WDR7: variants seen among roughly 807,000 people sequenced by gnomAD.
WDR7 encodes WD repeat domain 7, also known as WD repeat-containing protein 7.
WDR7 carries 46 observed loss-of-function variants against 169.4 expected under a neutral mutation model. The observed-to-expected ratio is 0.27, with a 90% CI of 0.21 to 0.35. WDR7 has a LOEUF of 0.35. WDR7 is among the 10% of genes least tolerant of loss of function. The probability of loss-of-function intolerance (pLI) is 1.00; values close to 1 mark genes in which losing one functional copy is unlikely to be tolerated. For missense variants in WDR7, 1,534 were observed against 1,859.3 expected, an observed-to-expected ratio of 0.83 and a Z score of 3.22; for synonymous variants, 612 against 666.8, an observed-to-expected ratio of 0.92 and a Z score of 1.27.
intron 26 of WDR7, among the ~76,000 whole-genome samples, chr18:56,978,114 G>A (rs1282812843): frequency 3.9e-5 from 6 of 152,106 alleles, no homozygotes; most frequent in Non-Finnish European, 8.8e-5. Flanking sequence ...CATTGGTAGT[G>A]GTATGAATGC....
At chr18:57,017,297 C>T (rs1356665763) in intron 26 of WDR7, among the ~76,000 whole-genome samples, 1 of 152,194 alleles carries the variant, frequency 6.6e-6, no homozygotes, top group Non-Finnish European at 1.5e-5. Flanking sequence ...ACTGCTTGAG[C>T]GGTGCTTGCT....
At chr18:57,035,765 A>G in the WDR7 span, 1 of 152,324 alleles carries the variant, frequency 6.6e-6, no homozygotes, top group Non-Finnish European at 1.5e-5. Context: ...AGTGGCGGCC[A>G]GAGAGACCAG....
chr18:56,821,242 A>G (rs1337203579), intron 20 of WDR7, among the ~76,000 whole-genome samples: 1 of 152,218 alleles, frequency 6.6e-6, no homozygotes, highest in Non-Finnish European at 1.5e-5. Context: ...AAGAAGAAAA[A>G]ATAGAGAAGG....
At chr18:56,858,064 C>G (rs1004853587) in intron 20 of WDR7, among the ~76,000 whole-genome samples, 2 of 152,172 alleles carry the variant, frequency 1.3e-5, no homozygotes, top group Admixed American at 6.5e-5. Flanking sequence ...GATCTCATCT[C>G]TCTGCTGAGC....
chr18:56,789,804 T>A (rs1231896457), intron 19 of WDR7, among the ~76,000 whole-genome samples: 2 of 152,226 alleles, frequency 1.3e-5, no homozygotes, highest in Non-Finnish European at 2.9e-5. Context: ...CTAGGAGGCG[T>A]AGCTGACTTT....
Position 56,965,108 on chromosome 18 carries a change from A to C in WDR7, c.4164+2579A>C, listed in dbSNP as rs549064105. On this transcript the variant is annotated intron_variant, in intron 26 of 27. Transcript: ENST00000254442. ...AGAATCTGTTGGAATCAGTTAACAGAGGGTGTGGGACAATTTTTTTTAGTA... is the reference window on the plus strand; with the variant it reads ...AGAATCTGTTGGAATCAGTTAACAGCGGGTGTGGGACAATTTTTTTTAGTA... Among the ~76,000 whole-genome samples the C allele has an allele frequency of 3.9e-5, 6 of 152,314 alleles. No homozygotes were observed. The South Asian group carries it at 1.2e-3, about 32-fold the overall frequency.
chr18:56,873,010 A>T (rs2045974237), intron 20 of WDR7, among the ~76,000 whole-genome samples: 2 of 152,254 alleles, frequency 1.3e-5, no homozygotes. Context: ...TTGAAAAATT[A>T]TAGGAATGAG....
chr18:56,809,063 C>T (rs2044824617), intron 19 of WDR7, among the ~76,000 whole-genome samples: 1 of 152,004 alleles, frequency 6.6e-6, no homozygotes, highest in Non-Finnish European at 1.5e-5. Flanking sequence ...CAGCTTGCTG[C>T]CCCACTCCAT....
At chr18:56,886,815 A>C (rs1159256904) in intron 21 of WDR7, among the ~76,000 whole-genome samples, 1 of 152,230 alleles carries the variant, frequency 6.6e-6, no homozygotes, top group Non-Finnish European at 1.5e-5. Flanking sequence ...ATGGACATCA[A>C]AAATAAGCAG....
intron 21 of WDR7, among the ~76,000 whole-genome samples, chr18:56,910,718 C>T (rs890927726): frequency 2.0e-5 from 3 of 152,040 alleles, no homozygotes; most frequent in East Asian, 1.9e-4. Context: ...TCATGTTATG[C>T]TTCTTTTTTG....
At chr18:56,661,490 C>A (rs1342967999) in intron 1 of WDR7, among the ~76,000 whole-genome samples, 1 of 152,122 alleles carries the variant, frequency 6.6e-6, no homozygotes, top group African/African-American at 2.4e-5. Flanking sequence ...CAAAATCTGT[C>A]TCTCATGCAC....
intron 21 of WDR7, among the ~76,000 whole-genome samples, chr18:56,915,888 G>A (rs999434580): frequency 2.0e-5 from 3 of 152,158 alleles, no homozygotes; most frequent in Non-Finnish European, 2.9e-5. Flanking sequence ...TGCCTCTAGC[G>A]AGGGACCCTT....
chr18:56,936,524 A>G (rs185006245), intron 23 of WDR7, among the ~76,000 whole-genome samples: 1 of 152,288 alleles, frequency 6.6e-6, no homozygotes, highest in Admixed American at 6.5e-5. Context: ...GGTTTATTCC[A>G]TTTCAGCATG....
rs202018974 is a variant in WDR7 at position 56,816,077 on chromosome 18, T to C, written c.3237T>C (p.Asp1079=). 6.2e-7 allele frequency: 1 copy of C among 1,613,792 alleles called. No homozygotes were observed. Among genetic ancestry groups the C allele is most frequent in the East Asian group, 2.2e-5 (1 of 44,818 alleles). Residue 1079 remains aspartate, a synonymous_variant, in exon 20 of 28, where the codon GAT becomes GAC. Coordinates refer to ENST00000254442, the MANE Select transcript of WDR7 (RefSeq NM_015285.3). ...EAAQTITTAP[D]ASGPEAKVQE... Reference sequence around the variant, plus strand: ...CGCAGACTATCACCACGGCTCCTGATGCCTCAGGGCCTGAAGCAAAAGTCC... The same window carrying C: ...CGCAGACTATCACCACGGCTCCTGACGCCTCAGGGCCTGAAGCAAAAGTCC...
chr18:57,018,554 G>A (rs1332720966), intron 26 of WDR7, among the ~76,000 whole-genome samples: 1 of 152,202 alleles, frequency 6.6e-6, no homozygotes. Context: ...CAGAGGCCCA[G>A]TATTGTCCGA....
chr18:56,892,021 A>T (rs1410656129), intron 21 of WDR7, among the ~76,000 whole-genome samples: 1 of 152,104 alleles, frequency 6.6e-6, no homozygotes, highest in Non-Finnish European at 1.5e-5. Context: ...TTTAACTGCG[A>T]TCTGACACTT....
intron 26 of WDR7, among the ~76,000 whole-genome samples, chr18:56,996,539 C>A (rs1268304147): frequency 6.6e-6 from 1 of 152,038 alleles, no homozygotes; most frequent in Non-Finnish European, 1.5e-5. Context: ...ATGGTTGTAA[C>A]CAAAAGGTTA....
At chr18:56,781,868 A>G (rs565750723) in intron 19 of WDR7, 1 of 412,400 alleles carries the variant, frequency 2.4e-6, no homozygotes, top group African/African-American at 2.0e-5. Context: ...TGTCTATATC[A>G]AAATATTCAT....
intron 22 of WDR7, among the ~76,000 whole-genome samples, chr18:56,931,554 G>A (rs970582709): frequency 2.0e-5 from 3 of 152,146 alleles, no homozygotes; most frequent in African/African-American, 7.2e-5. Context: ...GCTGTACCGG[G>A]CACTTTGGGG....
Sources: allele counts gnomAD v4.1 joint callset (sites outside exome capture counted in the v4.1 genomes callset), GRCh38; gene constraint gnomAD v4.1.1; transcripts MANE v1.5; gene names NCBI Gene and HGNC (gene_info 2026-07-23, HGNC 2026-07-21).